Variants in MPP4 observed in about 807,000 individuals in gnomAD.
The protein encoded by MPP4 is MAGUK p55 scaffold protein 4.
A neutral mutation model predicts 98.3 loss-of-function variants in MPP4; 91 were observed. The observed-to-expected ratio is 0.93, with a 90% confidence interval of 0.78 to 1.10. The LOEUF (loss-of-function observed/expected upper bound fraction) is 1.10, where lower values mean the gene tolerates loss of function less well. MPP4 is among the 50% of genes least tolerant of loss of function. The probability of loss-of-function intolerance (pLI) is 0.00; values close to 1 mark genes in which losing one functional copy is unlikely to be tolerated. For synonymous variants in MPP4, 261 were observed against 271.8 expected (o/e 0.96, Z 0.39); for missense variants, 744 against 792.9 (o/e 0.94, Z 0.74).
chr2:201,650,152 A>G lies in MPP4; in HGVS notation c.1395T>C (p.Thr465=), dbSNP rs1687676783. ...GCCCATTCATTTCGTAACTCTTTTTAGTACGAGTAGTGTCTATCAGAAAAA... is the reference window on the plus strand; with the variant it reads ...GCCCATTCATTTCGTAACTCTTTTTGGTACGAGTAGTGTCTATCAGAAAAA... ...FQSAVPHTTR[T]KKSYEMNGRE... is the part of the protein sequence containing the mutation. The change falls in exon 19 of 22, where the codon ACT becomes ACC. Residue 465 remains threonine (T), a synonymous_variant. Transcript: ENST00000409474. 1.3e-6 allele frequency: 2 copies of G among 1,569,820 alleles called. No individual in the cohort carries two copies.
intron 4 of MPP4, among the ~76,000 whole-genome samples, 200 bp downstream of exon 4, chr2:201,690,002 T>C (rs1431048457): frequency 6.6e-6 from 1 of 151,980 alleles, no homozygotes; most frequent in Non-Finnish European, 1.5e-5. Flanking sequence ...ATGACGTGGG[T>C]GGTGGTGGGG....
rs566362807 is a variant in MPP4 at position 201,646,617 on chromosome 2, C to T, written c.1719+1074G>A. The stretch of plus-strand genomic sequence containing the variant: ...GACTCAGCAAATACATTCATGGACT[C>T]CACTGTTCACAAGGCAAACTGGAAA... On this transcript the variant is annotated intron_variant, in intron 21 of 21. Transcript: ENST00000409474. 5.6e-4 allele frequency: 85 copies of T among 152,196 alleles called. 1 individual carries two copies. The highest frequency in any genetic ancestry group is 2.0e-3 in the African/African-American group (84 of 41,522). The allele number at this position is 152,196 out of a possible 1,614,324, so 9.4% of individuals were successfully genotyped here.
At chr2:201,648,828 C>A (rs1211067841) in intron 20 of MPP4, among the ~76,000 whole-genome samples, 1 of 152,146 alleles carries the variant, frequency 6.6e-6, no homozygotes, top group East Asian at 1.9e-4. Context: ...GAGGCTGAGG[C>A]AGGTGGATCA....
chr2:201,678,434 T>G (rs1688576297), intron 10 of MPP4, among the ~76,000 whole-genome samples: 1 of 152,146 alleles, frequency 6.6e-6, no homozygotes, highest in African/African-American at 2.4e-5. Flanking sequence ...TTTGAGCCCT[T>G]TCTTCTTGCT....
intron 4 of MPP4, among the ~76,000 whole-genome samples, chr2:201,687,783 A>G (rs1286641445): frequency 6.6e-6 from 1 of 152,242 alleles, no homozygotes; most frequent in Non-Finnish European, 1.5e-5. Context: ...GGGGAACTCA[A>G]AGAGCTTAAT....
intron 14 of MPP4, among the ~76,000 whole-genome samples, chr2:201,663,129 G>A (rs1173254132): frequency 1.3e-5 from 2 of 152,206 alleles, no homozygotes; most frequent in African/African-American, 4.8e-5. Flanking sequence ...CTGTTTGAAT[G>A]TCTCTCTCTG....
chr2:201,693,344 C>T (rs1689093076), intron 2 of MPP4, among the ~76,000 whole-genome samples: 1 of 152,158 alleles, frequency 6.6e-6, no homozygotes, highest in African/African-American at 2.4e-5. Flanking sequence ...AAAATGATTG[C>T]TTTCCCCTCC....
Position 201,694,177 on chromosome 2 carries a change from T to C in MPP4, c.-100-123A>G. ...CTACTCTTAACCATCACCAGTGGCG[T>C]GAAAGAGAAAACGACTATTGCATAA... On this transcript the variant is annotated intron_variant, in intron 1 of 21. Coordinates refer to ENST00000409474, the MANE Select transcript of MPP4 (RefSeq NM_033066.3). 1.3e-5 allele frequency: 12 copies of C among 917,584 alleles called. No individual in the cohort carries two copies. In the South Asian group the frequency reaches 2.2e-4, roughly 17 times the overall value. The allele number at this position is 917,584 out of a possible 1,614,324, so 56.8% of individuals were successfully genotyped here.
chr2:201,654,080 G>C (rs561711276), intron 18 of MPP4, among the ~76,000 whole-genome samples: 1 of 151,826 alleles, frequency 6.6e-6, no homozygotes, highest in Non-Finnish European at 1.5e-5. Context: ...AGGTTTAAGC[G>C]ATTATCTGTC....
At chr2:201,670,643 G>A (rs1688315182) in intron 11 of MPP4, among the ~76,000 whole-genome samples, 1 of 152,120 alleles carries the variant, frequency 6.6e-6, no homozygotes, top group African/African-American at 2.4e-5. Flanking sequence ...GCATTTTCAT[G>A]TGCCTTTGAT....
intron 3 of MPP4, among the ~76,000 whole-genome samples, chr2:201,691,613 G>A (rs954326970): frequency 5.9e-5 from 9 of 152,130 alleles, no homozygotes; most frequent in African/African-American, 2.2e-4. Flanking sequence ...TGCCTCCCAG[G>A]TTTAAGCAAT....
intron 18 of MPP4, chr2:201,651,186 A>G: frequency 2.0e-6 from 2 of 985,492 alleles, no homozygotes; most frequent in Non-Finnish European, 2.4e-6. Flanking sequence ...TGATGATATC[A>G]ATACATGGAA....
intron 13 of MPP4, 130 bp downstream of exon 13, chr2:201,666,204 G>C: frequency 1.6e-6 from 1 of 640,714 alleles, no homozygotes. Context: ...ATAGATGGGG[G>C]TGGAGGGTCA....
intron 4 of MPP4, among the ~76,000 whole-genome samples, chr2:201,689,368 C>G (rs1688936028): frequency 6.6e-6 from 1 of 152,026 alleles, no homozygotes; most frequent in Non-Finnish European, 1.5e-5. Flanking sequence ...GGTGTTTACT[C>G]TGAGATGGGA....
chr2:201,683,294 A>G (rs967615217), intron 7 of MPP4, among the ~76,000 whole-genome samples: 1 of 152,230 alleles, frequency 6.6e-6, no homozygotes, highest in African/African-American at 2.4e-5. Flanking sequence ...ATGTGGAGAA[A>G]CTTGGGGTTT....
At chr2:201,647,860 G>A in intron 20 of MPP4, 35 bp from the exon 21 acceptor site, 1 of 1,555,610 alleles carries the variant, frequency 6.4e-7, no homozygotes, top group Non-Finnish European at 8.7e-7. Flanking sequence ...TTTATTTTTT[G>A]TTTGTTTTGT....
chr2:201,656,240 G>C lies in MPP4; in HGVS notation c.1258C>G (p.Gln420Glu), dbSNP rs1400883605. The change falls in exon 17 of 22, where the codon CAG becomes GAG. Residue 420 changes from glutamine (Q) to glutamate (E), a missense_variant. Gln to Glu is a conservative substitution (Grantham distance 29, BLOSUM62 2). Transcript: ENST00000409474. ...GAPYEEVVRY[Q>E]RRPSDKYRLI... Reference sequence around the variant, plus strand: ...CGGTACTTGTCTGAAGGGCGTCGCTGGTACCTCACCACCTCCTCGTAAGGG... The same window carrying C: ...CGGTACTTGTCTGAAGGGCGTCGCTCGTACCTCACCACCTCCTCGTAAGGG... 1 of 1,604,642 alleles carries C rather than the reference G, an allele frequency of 6.2e-7. No homozygotes were observed.
intron 11 of MPP4, among the ~76,000 whole-genome samples, 167 bp from the exon 12 acceptor site, chr2:201,669,917 A>G (rs577794939): frequency 6.6e-6 from 1 of 152,362 alleles, no homozygotes; most frequent in Admixed American, 6.5e-5. Context: ...TAAGAAAATG[A>G]TAAATGAATA....
At chr2:201,658,649 G>C in intron 15 of MPP4, 131 bp from the exon 16 acceptor site, 2 of 694,360 alleles carry the variant, frequency 2.9e-6, no homozygotes, top group Non-Finnish European at 2.4e-6. Context: ...ATTTATCCTT[G>C]AGTGGCTCAC....
Sources: gnomAD v4.1 joint callset for allele counts (sites outside exome capture counted in the v4.1 genomes callset) on GRCh38, gnomAD v4.1.1 for gene constraint, MANE v1.5 for transcripts, NCBI Gene and HGNC (gene_info 2026-07-23, HGNC 2026-07-21) for gene names.